The following RBFOX1 variants were observed in gnomAD, a reference collection of about 807,000 sequenced individuals.
The protein encoded by RBFOX1 is RNA binding fox-1 homolog 1.
RBFOX1 carries 8 observed loss-of-function variants against 57.7 expected under a neutral mutation model. The observed-to-expected ratio is 0.14, with a 90% confidence interval of 0.08 to 0.25. The LOEUF is 0.25. Ranked by LOEUF, RBFOX1 falls within the 10% of genes least tolerant of loss-of-function variation. The pLI is 1.00. For missense variants in RBFOX1, 611 were observed against 548.5 expected (o/e 1.11, Z -1.14); for synonymous variants, 326 against 222.4 (o/e 1.47, Z -4.15).
chr16:5,247,329 T>C lies in RBFOX1; in HGVS notation c.219+7224T>C, dbSNP rs535297809. Reference sequence around the variant, plus strand: ...TTCCACGATGCTTTCTGTCCTGTTATCACATTTCCTTGGAGGAGAATCCAG... The same window carrying C: ...TTCCACGATGCTTTCTGTCCTGTTACCACATTTCCTTGGAGGAGAATCCAG... On this transcript the variant is annotated intron_variant, in intron 1 of 2. Coordinates refer to the RBFOX1 transcript ENST00000585867. 1.3e-5 allele frequency among the ~76,000 whole-genome samples: 2 copies of C among 152,312 alleles called. 1 individual carries two copies. Among genetic ancestry groups the C allele is most frequent in the South Asian group, 4.1e-4 (2 of 4,822 alleles).
chr16:6,093,574 A>G (rs778050044), intron 1 of RBFOX1, among the ~76,000 whole-genome samples: 5 of 152,208 alleles, frequency 3.3e-5, no homozygotes, highest in South Asian at 4.1e-4. Context: ...AAAGGTATTT[A>G]TGTATTGTGT....
At chr16:6,502,398 G>T (rs957835415) in intron 2 of RBFOX1, among the ~76,000 whole-genome samples, 2 of 152,092 alleles carry the variant, frequency 1.3e-5, no homozygotes, top group African/African-American at 2.4e-5. Context: ...TAAGAGCTTA[G>T]GTCTTGAGTC....
chr16:7,677,517 G>T (rs1597872471), intron 14 of RBFOX1, among the ~76,000 whole-genome samples: 1 of 152,272 alleles, frequency 6.6e-6, no homozygotes, highest in East Asian at 1.9e-4. Flanking sequence ...GCAGGTTGCG[G>T]GGGTGGGGTG....
chr16:6,109,825 C>A (rs565750446), intron 1 of RBFOX1, among the ~76,000 whole-genome samples: 12 of 152,300 alleles, frequency 7.9e-5, no homozygotes, highest in African/African-American at 2.9e-4. Flanking sequence ...AAGTTACATT[C>A]TTTTCTTCAA....
chr16:7,587,895 C>T (rs968573900), intron 7 of RBFOX1, among the ~76,000 whole-genome samples: 2 of 152,170 alleles, frequency 1.3e-5, no homozygotes, highest in Non-Finnish European at 2.9e-5. Flanking sequence ...TGTTTCAAAA[C>T]AGAAATATGG....
At chr16:5,625,251 C>A (rs1596495733) in intron 3 of RBFOX1, among the ~76,000 whole-genome samples, 1 of 151,976 alleles carries the variant, frequency 6.6e-6, no homozygotes, top group African/African-American at 2.4e-5. Context: ...TGTAGCAGGA[C>A]CTGGGCGTGG....
intron 1 of RBFOX1, among the ~76,000 whole-genome samples, chr16:6,302,398 A>G (rs933842947): frequency 2.0e-5 from 3 of 152,176 alleles, no homozygotes; most frequent in African/African-American, 7.2e-5. Flanking sequence ...TCTTTGCTGA[A>G]CATGAAGGAC....
chr16:7,688,522 C>T (rs1052872034), intron 14 of RBFOX1, among the ~76,000 whole-genome samples: 1 of 152,006 alleles, frequency 6.6e-6, no homozygotes, highest in South Asian at 2.1e-4. Flanking sequence ...TCCCCTCCAG[C>T]AACACAGGCT....
At chr16:5,389,026 G>C (rs77235092) in intron 1 of RBFOX1, among the ~76,000 whole-genome samples, 82,366 of 150,430 alleles carry the variant, frequency 0.55, 22,975 homozygotes, top group African/African-American at 0.59. Context: ...CCCATCTCTA[G>C]TAAAAATACA....
intron 4 of RBFOX1, among the ~76,000 whole-genome samples, chr16:7,097,860 G>T (rs2061967956): frequency 6.6e-6 from 1 of 152,232 alleles, no homozygotes; most frequent in African/African-American, 2.4e-5. Flanking sequence ...TTAGGGAGAA[G>T]GGGTTGGGGA....
At chr16:5,624,502 G>C (rs2048291763) in intron 3 of RBFOX1, among the ~76,000 whole-genome samples, 1 of 152,210 alleles carries the variant, frequency 6.6e-6, no homozygotes, top group Non-Finnish European at 1.5e-5. Context: ...CAGCCACCCA[G>C]AGACTTTTAA....
chr16:7,187,405 C>G (rs2084125079), intron 4 of RBFOX1, among the ~76,000 whole-genome samples: 1 of 151,822 alleles, frequency 6.6e-6, no homozygotes, highest in Admixed American at 6.6e-5. Context: ...TAAGAAAGCC[C>G]TTGGCCAGGC....
At chr16:6,631,616 G>C (rs1184690177) in intron 2 of RBFOX1, among the ~76,000 whole-genome samples, 1 of 152,126 alleles carries the variant, frequency 6.6e-6, no homozygotes, top group African/African-American at 2.4e-5. Context: ...AGTTGATGTG[G>C]AGATAGAAAA....
At chr16:5,506,246 C>T (rs972713061) in intron 2 of RBFOX1, among the ~76,000 whole-genome samples, 4 of 152,232 alleles carry the variant, frequency 2.6e-5, no homozygotes, top group Admixed American at 2.6e-4. Context: ...GAGCACTGTG[C>T]CTGCACCAGC....
intron 2 of RBFOX1, among the ~76,000 whole-genome samples, chr16:6,466,776 A>C (rs897783578): frequency 1.4e-4 from 21 of 152,286 alleles, no homozygotes; most frequent in African/African-American, 4.3e-4. Flanking sequence ...TGTGGACATT[A>C]ATAGTCAGAA....
chr16:5,367,753 C>G (rs2065758287), intron 1 of RBFOX1, among the ~76,000 whole-genome samples: 1 of 152,134 alleles, frequency 6.6e-6, no homozygotes, highest in South Asian at 2.1e-4. Flanking sequence ...GAAAATGAGA[C>G]AGGGCACACG....
At chr16:7,339,624 A>T (rs546450150) in intron 4 of RBFOX1, among the ~76,000 whole-genome samples, 5 of 152,040 alleles carry the variant, frequency 3.3e-5, no homozygotes, top group South Asian at 4.1e-4. Context: ...ATTTTTAGTA[A>T]AGACAGGGTT....
At chr16:7,706,574 A>T (rs79823230) in intron 14 of RBFOX1, among the ~76,000 whole-genome samples, 1 of 152,214 alleles carries the variant, frequency 6.6e-6, no homozygotes, top group East Asian at 1.9e-4. Flanking sequence ...CATTTCCCCA[A>T]TTTTTAAAAT....
At chr16:7,194,128 A>G (rs2086105665) in intron 4 of RBFOX1, among the ~76,000 whole-genome samples, 1 of 152,186 alleles carries the variant, frequency 6.6e-6, no homozygotes, top group Non-Finnish European at 1.5e-5. Context: ...CGTGTCAATG[A>G]GAAAGTCTTT....
Sources: gnomAD v4.1 joint callset for allele counts (sites outside exome capture counted in the v4.1 genomes callset) on GRCh38, gnomAD v4.1.1 for gene constraint, MANE v1.5 for transcripts, NCBI Gene and HGNC (gene_info 2026-07-23, HGNC 2026-07-21) for gene names.